PEX7: variants seen among roughly 807,000 people sequenced by gnomAD.
The protein encoded by PEX7 is peroxisomal biogenesis factor 7.
PEX7 carries 34 observed loss-of-function variants against 47.5 expected under a neutral mutation model. The observed-to-expected ratio is 0.72, with a 90% CI of 0.54 to 0.95. The LOEUF is 0.95. Ranked by LOEUF, PEX7 falls within the 40% of genes least tolerant of loss-of-function variation. PEX7 has a pLI of 0.00. For missense variants in PEX7, 394 were observed against 400.3 expected (o/e 0.98, Z 0.13); for synonymous variants, 141 against 148.8 (o/e 0.95, Z 0.38).
chr6:136,894,435 C>G (rs1413967476), intron 8 of PEX7, among the ~76,000 whole-genome samples: 1 of 152,116 alleles, frequency 6.6e-6, no homozygotes, highest in African/African-American at 2.4e-5. Context: ...ACTAAAAATA[C>G]AAAAATTAGC....
intron 9 of PEX7, among the ~76,000 whole-genome samples, chr6:136,910,239 C>T (rs1176650301): frequency 2.0e-5 from 3 of 152,278 alleles, no homozygotes; most frequent in Admixed American, 1.3e-4. Flanking sequence ...TCTAATAAGA[C>T]ATGGTCCATG....
At chr6:136,831,767 C>G (rs1774297634) in intron 3 of PEX7, among the ~76,000 whole-genome samples, 1 of 152,264 alleles carries the variant, frequency 6.6e-6, no homozygotes, top group Admixed American at 6.5e-5. Context: ...GTTACTAAAT[C>G]TTAAAGCTCT....
At chr6:136,911,939 C>A (rs970209013) in intron 9 of PEX7, among the ~76,000 whole-genome samples, 5 of 152,156 alleles carry the variant, frequency 3.3e-5, no homozygotes, top group Non-Finnish European at 7.3e-5. Flanking sequence ...GTTCCACATC[C>A]CTGCTGACAT....
At chr6:136,876,247 C>T (rs1421296535) in intron 8 of PEX7, among the ~76,000 whole-genome samples, 1 of 151,782 alleles carries the variant, frequency 6.6e-6, no homozygotes, top group East Asian at 1.9e-4. Context: ...CCGTGTTAGC[C>T]AGGATGGTCT....
rs1206892224 is a variant in PEX7 at position 136,825,078 on chromosome 6, T to C, written c.131-136T>C. 11 of 724,408 alleles carry C rather than the reference T, an allele frequency of 1.5e-5. No homozygotes were observed. The East Asian group carries it at 2.1e-4, about 14-fold the overall frequency. 44.9% of individuals were successfully genotyped at this position (724,408 alleles called of 1,614,324 possible). A position where few individuals can be genotyped will look rare whatever the true frequency, so the allele number is the denominator to read the frequency against. ...GGGAGAAATTGATCACCTGACCATT[T>C]GGTATTCAAGGTCCCAAATACTTTG... On this transcript the variant is annotated intron_variant, in intron 1 of 9. Coordinates refer to ENST00000318471, the MANE Select transcript of PEX7 (RefSeq NM_000288.4).
Position 136,842,203 on chromosome 6 carries a change from CAGGCTGGTCTTG to C in PEX7, c.340-3410_340-3399del, listed in dbSNP as rs1774513364. On this transcript the variant is annotated intron_variant, in intron 3 of 9. Coordinates refer to ENST00000318471, the MANE Select transcript of PEX7 (RefSeq NM_000288.4). ...AGAGACGGGGTTTCACCATGTTGGC[CAGGCTGGTCTTG>C]AACTCCTGGCCTCAAGTGACCTGCC... is the stretch of plus-strand genomic sequence containing the variant. Among the ~76,000 whole-genome samples the C allele has an allele frequency of 3.3e-5, 5 of 152,178 alleles. No homozygotes were observed. In the South Asian group the frequency reaches 1.0e-3, roughly 32 times the overall value.
At chr6:136,888,660 G>A (rs1775507614) in intron 8 of PEX7, among the ~76,000 whole-genome samples, 2 of 152,092 alleles carry the variant, frequency 1.3e-5, no homozygotes, top group Admixed American at 1.3e-4. Context: ...GGACTTGTCT[G>A]TTTTATTGTT....
intron 3 of PEX7, among the ~76,000 whole-genome samples, chr6:136,827,816 G>A (rs1415256648): frequency 1.3e-5 from 2 of 151,040 alleles, no homozygotes; most frequent in Non-Finnish European, 2.9e-5. Context: ...ATAGGCGTGA[G>A]CCACCGTGCC....
At chr6:136,911,389 TG>T in intron 9 of PEX7, among the ~76,000 whole-genome samples, 1 of 152,154 alleles carries the variant, frequency 6.6e-6, no homozygotes. Flanking sequence ...CCGATTCTTT[TG>T]TTAGTGGGTA....
intron 5 of PEX7, among the ~76,000 whole-genome samples, chr6:136,860,072 A>C (rs1022932386): frequency 2.0e-5 from 3 of 152,128 alleles, no homozygotes; most frequent in Non-Finnish European, 2.9e-5. Context: ...TCTGCAATTG[A>C]TAAGAGAAGC....
intron 8 of PEX7, among the ~76,000 whole-genome samples, chr6:136,887,298 A>T (rs2115255876): frequency 6.6e-6 from 1 of 152,160 alleles, no homozygotes; most frequent in South Asian, 2.1e-4. Flanking sequence ...GTTACATTTA[A>T]TCTCTCATAA....
chr6:136,825,105 G>C, intron 1 of PEX7, 109 bp from the exon 2 acceptor site: 3 of 906,908 alleles, frequency 3.3e-6, no homozygotes, highest in Non-Finnish European at 5.5e-6. Context: ...AATACTTTGG[G>C]GAAAAATTTG....
chr6:136,905,385 A>G (rs1025400029), intron 9 of PEX7, among the ~76,000 whole-genome samples: 3 of 152,102 alleles, frequency 2.0e-5, no homozygotes, highest in South Asian at 2.1e-4. Context: ...TTTCTCTTCT[A>G]TTATTAAATA....
intron 8 of PEX7, among the ~76,000 whole-genome samples, chr6:136,874,388 G>A (rs1775231378): frequency 6.6e-6 from 1 of 152,106 alleles, no homozygotes; most frequent in African/African-American, 2.4e-5. Flanking sequence ...TGTCTGTAAA[G>A]TGGGTGGACA....
chr6:136,843,788 C>T (rs1774545811), intron 3 of PEX7, among the ~76,000 whole-genome samples: 1 of 152,002 alleles, frequency 6.6e-6, no homozygotes, highest in African/African-American at 2.4e-5. Flanking sequence ...CTGTCTGTTG[C>T]TGGATTGTGC....
chr6:136,823,513 A>G (rs950813251), intron 1 of PEX7: 2 of 190,698 alleles, frequency 1.0e-5, no homozygotes, highest in African/African-American at 4.7e-5. Context: ...AGCTGAGATC[A>G]CATCACTCTG....
intron 5 of PEX7, among the ~76,000 whole-genome samples, chr6:136,865,975 C>T (rs1186644177): frequency 6.6e-6 from 1 of 151,444 alleles, no homozygotes; most frequent in Admixed American, 6.6e-5. Flanking sequence ...CCTGGCTACT[C>T]GGGAGGCTGA....
At chr6:136,913,316 CG>C in intron 9 of PEX7, 141 bp from the exon 10 acceptor site, 1 of 674,548 alleles carries the variant, frequency 1.5e-6, no homozygotes, top group East Asian at 2.6e-5. Context: ...TTATCAAAAA[CG>C]TAGCCCTATG....
intron 6 of PEX7, among the ~76,000 whole-genome samples, chr6:136,869,512 C>T (rs1775135931): frequency 1.3e-5 from 2 of 152,180 alleles, no homozygotes; most frequent in South Asian, 4.1e-4. Context: ...TGCTGGAATT[C>T]CAGGGAAAAC....
Sources: gnomAD v4.1 joint callset for allele counts (sites outside exome capture counted in the v4.1 genomes callset) on GRCh38, gnomAD v4.1.1 for gene constraint, MANE v1.5 for transcripts, NCBI Gene and HGNC (gene_info 2026-07-23, HGNC 2026-07-21) for gene names.